Variants in MAP1LC3B observed in about 807,000 individuals in gnomAD.
MAP1LC3B encodes microtubule associated protein 1 light chain 3 beta.
Under a neutral mutation model 16.7 loss-of-function variants are expected in MAP1LC3B, and 12 were observed. The observed-to-expected ratio is 0.72, with a 90% CI of 0.46 to 1.16. The LOEUF (loss-of-function observed/expected upper bound fraction) is 1.16. MAP1LC3B is among the 50% of genes most tolerant of loss of function. The pLI, the probability that MAP1LC3B is intolerant of heterozygous loss-of-function variation, is 0.00. For missense variants in MAP1LC3B, 155 were observed against 159.5 expected (o/e 0.97, Z 0.15); for synonymous variants, 63 against 56.5 (o/e 1.11, Z -0.51).
chr16:87,399,820 CTGGAG>C (rs1555515930), intron 2 of MAP1LC3B: 2 of 290,402 alleles, frequency 6.9e-6, no homozygotes, highest in Non-Finnish European at 1.4e-5. Flanking sequence ...GTCGCCCAGG[CTGGAG>C]TGTAGTGGCG....
chr16:87,404,081 T>C lies in MAP1LC3B; in HGVS notation c.*984T>C, dbSNP rs1331968231. On this transcript the variant is annotated 3_prime_UTR_variant, in exon 4 of 4. Coordinates refer to ENST00000268607, the MANE Select transcript of MAP1LC3B (RefSeq NM_022818.5). ...CAGTATTACTGAAAAGGTACCCACA[T>C]TTTGAATAGTAGTTATCACTCTTAG... is the stretch of plus-strand genomic sequence containing the variant. The C allele has an allele frequency of 6.6e-6, 1 of 152,208 alleles. No individual in the cohort carries two copies. The highest frequency in any genetic ancestry group is 1.5e-5 in the Non-Finnish European group (1 of 68,040). 9.4% of individuals were successfully genotyped at this position (152,208 alleles called of 1,614,324 possible).
intron 1 of MAP1LC3B, among the ~76,000 whole-genome samples, chr16:87,395,431 A>G (rs2150709900): frequency 6.6e-6 from 1 of 152,370 alleles, no homozygotes; most frequent in East Asian, 1.9e-4. Context: ...TGAGAAAGAC[A>G]AAAACAGATG....
chr16:87,398,023 G>T lies in MAP1LC3B; in HGVS notation c.41-792G>T, dbSNP rs539869641. Among the ~76,000 whole-genome samples, 38 of 151,034 alleles carry T rather than the reference G, an allele frequency of 2.5e-4. 1 individual carries two copies. The South Asian group carries it at 7.3e-3, about 29-fold the overall frequency. On this transcript the variant is annotated intron_variant, in intron 1 of 3. Transcript: ENST00000268607. ...AGTGATTCTATTAAAAGGGAGAAAAGAATTTTTTTTTTTTTTTGAGATGGA... is the reference window on the plus strand; with the variant it reads ...AGTGATTCTATTAAAAGGGAGAAAATAATTTTTTTTTTTTTTTGAGATGGA...
intron 2 of MAP1LC3B, chr16:87,399,774 T>C (rs1352350834): frequency 3.3e-6 from 1 of 305,172 alleles, no homozygotes; most frequent in Non-Finnish European, 6.5e-6. Flanking sequence ...ATTATTTATT[T>C]ATTTATTTAT....
chr16:87,399,631 C>T lies in MAP1LC3B; in HGVS notation c.96+761C>T, dbSNP rs747451552. 73 of 455,554 alleles carry T rather than the reference C, an allele frequency of 1.6e-4. 1 individual carries two copies. Among genetic ancestry groups the T allele is most frequent in the African/African-American group, 9.4e-4 (47 of 49,988 alleles). 28.2% of individuals were successfully genotyped at this position (455,554 alleles called of 1,614,324 possible). The stretch of plus-strand genomic sequence containing the variant: ...AATTACTGTATATAGAAAAGATGTC[C>T]GCAGCGTTCAGTAAACACAGACACT... On this transcript the variant is annotated intron_variant, in intron 2 of 3. Transcript: ENST00000268607.
At chr16:87,400,399 TCA>T (rs1280560767) in intron 2 of MAP1LC3B, 1 of 151,814 alleles carries the variant, frequency 6.6e-6, no homozygotes, top group East Asian at 2.0e-4. Context: ...CAGGATGGTC[TCA>T]GTCTCCTGAC....
rs1195222546 is a variant in MAP1LC3B at position 87,392,396 on chromosome 16, G to A, written c.-32G>A. On this transcript the variant is annotated 5_prime_UTR_variant, in exon 1 of 4. Transcript: ENST00000268607. ...CGGGAGCCGCCGGGACCCTCGCGTC[G>A]TCGCCGCCGCCGCCGCCCAGATCCC... 1.4e-6 allele frequency: 2 copies of A among 1,416,504 alleles called. No homozygotes were observed. Among genetic ancestry groups the A allele is most frequent in the Admixed American group, 3.3e-5 (1 of 30,442 alleles). 87.7% of individuals were successfully genotyped at this position (1,416,504 alleles called of 1,614,324 possible). A position where few individuals can be genotyped will look rare whatever the true frequency, so the allele number is the denominator to read the frequency against.
At chr16:87,398,006 T>C (rs977489493) in intron 1 of MAP1LC3B, among the ~76,000 whole-genome samples, 1 of 152,072 alleles carries the variant, frequency 6.6e-6, no homozygotes, top group East Asian at 1.9e-4. Context: ...TAAGTGATTC[T>C]ATTAAAAGGG....
intron 2 of MAP1LC3B, chr16:87,399,093 C>T: frequency 1.9e-6 from 1 of 531,108 alleles, no homozygotes; most frequent in Non-Finnish European, 3.4e-6. Flanking sequence ...GCAGTCTCAG[C>T]CACCTTGTGC....
intron 1 of MAP1LC3B, among the ~76,000 whole-genome samples, chr16:87,398,431 G>T (rs1164784454): frequency 2.0e-5 from 3 of 152,236 alleles, no homozygotes; most frequent in Admixed American, 2.0e-4. Context: ...AACTTAAAGT[G>T]TGGAAAATTA....
In MAP1LC3B at chr16:87,392,341, C is replaced by A. The variant is rs1907603044; in HGVS notation, c.-87C>A. ...CAAGGGAAGTGGCTATCGCCAGAGT[C>A]GGATTCGCCGCCGCAGCAGCCGCCG... On this transcript the variant is annotated 5_prime_UTR_variant, in exon 1 of 4. Transcript: ENST00000268607. 1.5e-6 allele frequency: 2 copies of A among 1,298,096 alleles called. No individual in the cohort carries two copies. Among genetic ancestry groups the A allele is most frequent in the Admixed American group, 4.1e-5 (1 of 24,510 alleles). 80.4% of individuals were successfully genotyped at this position (1,298,096 alleles called of 1,614,324 possible).
intron 1 of MAP1LC3B, chr16:87,392,993 T>TA (rs1907655094): frequency 6.6e-6 from 1 of 152,210 alleles, no homozygotes; most frequent in Non-Finnish European, 1.5e-5. Context: ...GAGTGCCTCT[T>TA]ACAGACCTCA....
At position 87,392,356 on chromosome 16, in the gene MAP1LC3B, A is replaced by C; in HGVS notation, c.-72A>C. The C allele has an allele frequency of 7.4e-7, 1 of 1,348,416 alleles. No individual in the cohort carries two copies. Among genetic ancestry groups the C allele is most frequent in the Admixed American group, 4.0e-5 (1 of 25,250 alleles). 83.5% of individuals were successfully genotyped at this position (1,348,416 alleles called of 1,614,324 possible). A position where few individuals can be genotyped will look rare whatever the true frequency, so the allele number is the denominator to read the frequency against. ...TCGCCAGAGTCGGATTCGCCGCCGC[A>C]GCAGCCGCCGCCCCCGGGAGCCGCC... On this transcript the variant is annotated 5_prime_UTR_variant, in exon 1 of 4. Coordinates refer to ENST00000268607, the MANE Select transcript of MAP1LC3B (RefSeq NM_022818.5).
In MAP1LC3B at chr16:87,402,846, G is replaced by C. The variant is rs1021671182; in HGVS notation, c.204-77G>C. ...ACATTTTTATATTTTACCGATCAGA[G>C]TGGGTGATATTTTAACACATGCTTC... is the stretch of plus-strand genomic sequence containing the variant. On this transcript the variant is annotated intron_variant, in intron 3 of 3. Coordinates refer to ENST00000268607, the MANE Select transcript of MAP1LC3B (RefSeq NM_022818.5). 5 of 1,542,768 alleles carry C rather than the reference G, an allele frequency of 3.2e-6. No individual in the cohort carries two copies. In the African/African-American group the frequency reaches 6.8e-5, roughly 21 times the overall value.
intron 1 of MAP1LC3B, 98 bp downstream of exon 1, chr16:87,392,565 C>A: frequency 8.9e-7 from 1 of 1,128,490 alleles, no homozygotes; most frequent in South Asian, 4.4e-5. Flanking sequence ...GGGGCCGAGC[C>A]GGGAGGCCGA....
chr16:87,401,417 G>T (rs1022360975), intron 2 of MAP1LC3B, among the ~76,000 whole-genome samples: 12 of 152,334 alleles, frequency 7.9e-5, no homozygotes, highest in Non-Finnish European at 1.5e-4. Flanking sequence ...GCTAGCAAAT[G>T]ATCACTCTTC....
intron 3 of MAP1LC3B, 154 bp downstream of exon 3, chr16:87,402,435 C>T: frequency 1.4e-6 from 1 of 719,196 alleles, no homozygotes; most frequent in East Asian, 2.8e-5. Flanking sequence ...AAAACAATTT[C>T]AACTTAAACT....
intron 1 of MAP1LC3B, 114 bp downstream of exon 1, chr16:87,392,581 G>T (rs1293717658): frequency 3.0e-6 from 3 of 996,668 alleles, no homozygotes; most frequent in Non-Finnish European, 3.8e-6. Flanking sequence ...GCCGAGCGGG[G>T]CCGGTGGCTG....
At chr16:87,402,486 G>C (rs560924683) in intron 3 of MAP1LC3B, 3 of 589,060 alleles carry the variant, frequency 5.1e-6, no homozygotes, top group Non-Finnish European at 8.8e-6. Context: ...TTACTTGCTA[G>C]ACTGCAGAGC....
Sources: gnomAD v4.1 joint callset for allele counts (sites outside exome capture counted in the v4.1 genomes callset) on GRCh38, gnomAD v4.1.1 for gene constraint, MANE v1.5 for transcripts, NCBI Gene and HGNC (gene_info 2026-07-23, HGNC 2026-07-21) for gene names.